Variants in ZBBX observed in about 807,000 individuals in gnomAD.
ZBBX encodes the protein zinc finger B-box domain-containing protein 1.
A neutral mutation model predicts 108.5 loss-of-function variants in ZBBX; 101 were observed. The ratio of observed to expected loss-of-function variants is 0.93; its 90% CI spans 0.79 to 1.10. The LOEUF is 1.10. ZBBX is among the 50% of genes least tolerant of loss of function. The pLI, the probability that ZBBX is intolerant of heterozygous loss-of-function variation, is 0.00. For synonymous variants in ZBBX, 356 were observed against 323.4 expected (o/e 1.10, Z -1.08); for missense variants, 1,009 against 941.4 (o/e 1.07, Z -0.94).
At chr3:167,346,947 C>T (rs1196691003) in intron 9 of ZBBX, among the ~76,000 whole-genome samples, 1 of 151,818 alleles carries the variant, frequency 6.6e-6, no homozygotes, top group Non-Finnish European at 1.5e-5. Context: ...GAAATGATGA[C>T]AGAGAATGGG....
chr3:167,355,310 T>A lies in ZBBX; in HGVS notation c.432+4560A>T, dbSNP rs77853888. ...TGTGCTGGACACAATGCTAAATATT[T>A]TACATGTATTAACTCATTACGTGTG... On this transcript the variant is annotated intron_variant, in intron 8 of 21. Coordinates refer to ENST00000675490, the MANE Select transcript of ZBBX (RefSeq NM_001199201.2). Among the ~76,000 whole-genome samples, 1,149 of 152,120 alleles carry A rather than the reference T, an allele frequency of 7.6e-3. 8 individuals are homozygous for A. Among genetic ancestry groups the A allele is most frequent in the African/African-American group, 0.025 (1,035 of 41,546 alleles).
At chr3:167,252,120 G>A (rs1402923785) in intron 20 of ZBBX, 2 of 1,283,480 alleles carry the variant, frequency 1.6e-6, no homozygotes, top group Admixed American at 4.6e-5. Flanking sequence ...AGGAGAAACT[G>A]TTTACCTAAT....
At chr3:167,211,096 C>A in the ZBBX span, among the ~76,000 whole-genome samples, 1 of 152,136 alleles carries the variant, frequency 6.6e-6, no homozygotes, top group African/African-American at 2.4e-5. Context: ...TTGGAATTAA[C>A]CGAGGAAACA....
At chr3:167,226,502 T>C in the ZBBX span, among the ~76,000 whole-genome samples, 1 of 151,778 alleles carries the variant, frequency 6.6e-6, no homozygotes, top group African/African-American at 2.4e-5. Context: ...TTGTTACCAC[T>C]GTGAAGAATA....
chr3:167,367,330 C>T (rs567340809), intron 5 of ZBBX, among the ~76,000 whole-genome samples: 1 of 151,934 alleles, frequency 6.6e-6, no homozygotes, highest in African/African-American at 2.4e-5. Flanking sequence ...CCACAAATAG[C>T]TTTGCATATG....
chr3:167,207,131 G>A, the ZBBX span, among the ~76,000 whole-genome samples: 1 of 152,210 alleles, frequency 6.6e-6, no homozygotes, highest in African/African-American at 2.4e-5. Flanking sequence ...CATAAAGTAG[G>A]ACTATATCAA....
intron 20 of ZBBX, among the ~76,000 whole-genome samples, chr3:167,244,116 G>T (rs1721160317): frequency 6.6e-6 from 1 of 152,012 alleles, no homozygotes; most frequent in Non-Finnish European, 1.5e-5. Flanking sequence ...GGAATTATGG[G>T]CCCATGAAGA....
chr3:167,351,464 G>A (rs1483323795), intron 8 of ZBBX, among the ~76,000 whole-genome samples: 2 of 152,136 alleles, frequency 1.3e-5, no homozygotes, highest in Non-Finnish European at 2.9e-5. Context: ...GACACCAAGG[G>A]TGAAGAAAAG....
In ZBBX at chr3:167,242,509, A is replaced by T. The variant is rs1576751895; in HGVS notation, c.2389T>A (p.Leu797Met). ...TAAACTGCAGGCTTAACTTACCTCA[A>T]TTCCTCAACTCCACAGGGACCCCTC... ...HVRGPCGVEE[L>M]SCSGRDTKIQ... The change falls in exon 21 of 22, where the codon TTG (leucine) becomes ATG (methionine). Residue 797 changes from leucine to methionine, a missense_variant. Coordinates refer to ENST00000675490, the MANE Select transcript of ZBBX (RefSeq NM_001199201.2). 6.2e-7 allele frequency: 1 copy of T among 1,600,044 alleles called. No individual in the cohort carries two copies. Among genetic ancestry groups the T allele is most frequent in the East Asian group, 2.2e-5 (1 of 44,672 alleles).
At chr3:167,284,205 T>A (rs1474511542) in intron 19 of ZBBX, among the ~76,000 whole-genome samples, 2 of 150,316 alleles carry the variant, frequency 1.3e-5, no homozygotes, top group African/African-American at 4.9e-5. Context: ...TATATATATA[T>A]AATTATCCCT....
chr3:167,340,198 A>G (rs1238866526), intron 9 of ZBBX, among the ~76,000 whole-genome samples: 1 of 152,108 alleles, frequency 6.6e-6, no homozygotes, highest in East Asian at 1.9e-4. Context: ...AATTGATAAT[A>G]ACAAATTAGA....
chr3:167,406,321 C>T (rs942550486), intron 1 of ZBBX, among the ~76,000 whole-genome samples: 11 of 152,138 alleles, frequency 7.2e-5, no homozygotes, highest in African/African-American at 2.4e-4. Context: ...TTTGGCACAG[C>T]GTTCTTAGTA....
At chr3:167,350,764 T>C (rs1433362656) in intron 8 of ZBBX, among the ~76,000 whole-genome samples, 2 of 151,846 alleles carry the variant, frequency 1.3e-5, no homozygotes, top group Non-Finnish European at 2.9e-5. Context: ...TCAAAATAAA[T>C]GTAGTTTTAA....
chr3:167,260,164 A>G (rs1724230203), intron 20 of ZBBX, among the ~76,000 whole-genome samples: 2 of 152,150 alleles, frequency 1.3e-5, no homozygotes, highest in South Asian at 2.1e-4. Flanking sequence ...TAGGGCCCCA[A>G]TCCCTTCTAG....
chr3:167,248,267 G>A (rs538247365), intron 20 of ZBBX, among the ~76,000 whole-genome samples: 1 of 152,256 alleles, frequency 6.6e-6, no homozygotes, highest in Non-Finnish European at 1.5e-5. Flanking sequence ...ACCCCACAGG[G>A]TCAACGAATG....
At chr3:167,358,935 CAAAAAAAAAAAA>C (rs59753251) in intron 8 of ZBBX, among the ~76,000 whole-genome samples, 1 of 66,230 alleles carries the variant, frequency 1.5e-5, no homozygotes, top group East Asian at 4.9e-4. Context: ...GACTCCATCT[CAAAAAAAAAAAA>C]AAAAAAAAAA....
chr3:167,346,086 C>T (rs552820957), intron 9 of ZBBX, among the ~76,000 whole-genome samples: 74 of 151,868 alleles, frequency 4.9e-4, no homozygotes, highest in African/African-American at 1.7e-3. Flanking sequence ...TCTGATCTTA[C>T]GTTGCTAAAA....
At chr3:167,196,035 A>T in the ZBBX span, among the ~76,000 whole-genome samples, 7 of 152,204 alleles carry the variant, frequency 4.6e-5, no homozygotes, top group Admixed American at 2.6e-4. Context: ...TAATTGTTAA[A>T]ATCATTATGG....
At chr3:167,253,360 G>T (rs1722944003) in intron 20 of ZBBX, among the ~76,000 whole-genome samples, 1 of 152,082 alleles carries the variant, frequency 6.6e-6, no homozygotes, top group African/African-American at 2.4e-5. Flanking sequence ...GAAGTAAGGA[G>T]GAGACATCTG....
Sources: gnomAD v4.1 joint callset for allele counts (sites outside exome capture counted in the v4.1 genomes callset) on GRCh38, gnomAD v4.1.1 for gene constraint, MANE v1.5 for transcripts, NCBI Gene and HGNC (gene_info 2026-07-23, HGNC 2026-07-21) for gene names.